Variants in GLIS2 observed in about 807,000 individuals in gnomAD.
GLIS2 encodes GLIS family zinc finger 2, also known as zinc finger protein GLIS2.
Under a neutral mutation model 35.6 loss-of-function variants are expected in GLIS2, and 14 were observed. The observed-to-expected ratio is 0.39, with a 90% CI of 0.26 to 0.61. The LOEUF is 0.61. Ranked by LOEUF, GLIS2 falls within the 20% of genes least tolerant of loss-of-function variation. The pLI is 0.48. For synonymous variants in GLIS2, 368 were observed against 325.1 expected (o/e 1.13, Z -1.42); for missense variants, 675 against 713.4 (o/e 0.95, Z 0.61).
At chr16:4,321,097 G>A (rs1030486732) in intron 1 of GLIS2, among the ~76,000 whole-genome samples, 1 of 152,246 alleles carries the variant, frequency 6.6e-6, no homozygotes, top group African/African-American at 2.4e-5. Context: ...ATGGGCTGGA[G>A]TCCTGTGTGT....
chr16:4,316,906 G>A (rs191473274), intron 1 of GLIS2, among the ~76,000 whole-genome samples: 14 of 152,318 alleles, frequency 9.2e-5, no homozygotes, highest in Admixed American at 9.1e-4. Flanking sequence ...CTCGCCGGAG[G>A]GCGGGTCTGG....
In GLIS2 at chr16:4,335,822, C is replaced by T. The variant is rs2053544813; in HGVS notation, c.775+429C>T. On this transcript the variant is annotated intron_variant, in intron 6 of 6. Transcript: ENST00000433375. The surrounding 1 kb of genome is among the most constrained non-coding windows in gnomAD (Gnocchi z 4.6). Reference sequence around the variant, plus strand: ...AATTAATTGTAATATGGTTCGTTGACCCCGGTACATCCAACGTGTTATCAA... The same window carrying T: ...AATTAATTGTAATATGGTTCGTTGATCCCGGTACATCCAACGTGTTATCAA... The T allele has an allele frequency of 4.4e-6, 1 of 229,462 alleles. No homozygotes were observed. The highest frequency in any genetic ancestry group is 8.7e-6 in the Non-Finnish European group (1 of 114,462). 14.2% of individuals were successfully genotyped at this position (229,462 alleles called of 1,614,324 possible). A position where few individuals can be genotyped will look rare whatever the true frequency, so the allele number is the denominator to read the frequency against.
chr16:4,332,472 C>A lies in GLIS2; in HGVS notation c.172+20C>A. 1 of 1,608,360 alleles carries A rather than the reference C, an allele frequency of 6.2e-7. No individual in the cohort carries two copies. The highest frequency in any genetic ancestry group is 1.1e-5 in the South Asian group (1 of 90,792). On this transcript the variant is annotated intron_variant, in intron 2 of 6. Transcript: ENST00000433375. This position sits in a 1 kb window ranked among gnomAD's most constrained non-coding sequence, Gnocchi z 5.4. ...CCTCAGGTACTGGCCCTGGGCAGGG[C>A]AGGGGGACTTAGCCCTGATCCAGTC...
chr16:4,325,794 G>A (rs2053423777), intron 1 of GLIS2, among the ~76,000 whole-genome samples: 1 of 151,790 alleles, frequency 6.6e-6, no homozygotes, highest in South Asian at 2.1e-4. Flanking sequence ...AAATGAGCTG[G>A]GTGTGGTGGT....
chr16:4,334,833 C>T lies in GLIS2; in HGVS notation c.378C>T (p.Val126=), dbSNP rs1270258640. The change falls in exon 4 of 7, where the codon GTC becomes GTT. Residue 126 remains valine (V), a synonymous_variant. Transcript: ENST00000433375. ...AGCCACTGCGCTATTTGGATGGTGT[C>T]CCCAGCTCCTTCCAGTTCTTCCTGC... ...DFQPLRYLDG[V]PSSFQFFLPL... 2 of 1,613,442 alleles carry T rather than the reference C, an allele frequency of 1.2e-6. No homozygotes were observed. Among genetic ancestry groups the T allele is most frequent in the Non-Finnish European group, 1.7e-6 (2 of 1,180,002 alleles).
intron 1 of GLIS2, among the ~76,000 whole-genome samples, chr16:4,318,638 C>T (rs2053341274): frequency 6.6e-6 from 1 of 152,172 alleles, no homozygotes; most frequent in South Asian, 2.1e-4. Flanking sequence ...CTCCCAGGGC[C>T]CCTTCTTGGG....
At position 4,323,696 on chromosome 16, in the gene GLIS2, G is replaced by A. The variant is rs375602638; in HGVS notation, c.-67+7442G>A. Among the ~76,000 whole-genome samples, 26 of 152,334 alleles carry A rather than the reference G, an allele frequency of 1.7e-4. No homozygotes were observed. In the East Asian group the frequency reaches 4.6e-3, roughly 27 times the overall value. ...GCAGGCCAGGGAAGCCCTCCGGCCC[G>A]TCTTCCAGCTTCAGCTCTGCCTGAA... On this transcript the variant is annotated intron_variant, in intron 1 of 6. Coordinates refer to ENST00000433375, the MANE Select transcript of GLIS2 (RefSeq NM_032575.3).
chr16:4,326,336 G>C (rs1425774777), intron 1 of GLIS2: 1 of 152,222 alleles, frequency 6.6e-6, no homozygotes, highest in Non-Finnish European at 1.5e-5. Flanking sequence ...CAGCTAAATG[G>C]CCACTGCTGA....
rs767819594 is a variant in GLIS2 at position 4,337,275 on chromosome 16, C to T, written c.1326C>T (p.Ala442=). 166 of 1,550,222 alleles carry T rather than the reference C, an allele frequency of 1.1e-4. No homozygotes were observed. The highest frequency in any genetic ancestry group is 1.5e-4 in the East Asian group (6 of 41,084). ...TTGCTGGCGCAGCTGGTGGCAAGGCCGAGGGGGAGAAGGGGCGTGGGTCGG... is the reference window on the plus strand; with the variant it reads ...TTGCTGGCGCAGCTGGTGGCAAGGCTGAGGGGGAGAAGGGGCGTGGGTCGG... ...SLLAGAAGGK[A]EGEKGRGSVP... Residue 442 remains alanine (A), a synonymous_variant, in exon 7 of 7, where the codon GCC becomes GCT. Transcript: ENST00000433375.
At chr16:4,331,548 T>C (rs951030172) in intron 1 of GLIS2, 1 of 153,330 alleles carries the variant, frequency 6.5e-6, no homozygotes, top group Non-Finnish European at 1.5e-5. Flanking sequence ...TGTCTTTAAT[T>C]CCTCTAGCGC....
intron 6 of GLIS2, 162 bp from the exon 7 acceptor site, chr16:4,336,563 G>T (rs563413885): frequency 3.7e-5 from 28 of 748,792 alleles, no homozygotes; most frequent in Admixed American, 3.6e-4. Context: ...CCCTGCCTGG[G>T]GGCAGATCTC....
At chr16:4,316,332 C>A (rs1338082409) in intron 1 of GLIS2, among the ~76,000 whole-genome samples, 78 bp downstream of exon 1, 2 of 137,582 alleles carry the variant, frequency 1.5e-5, no homozygotes, top group Admixed American at 1.4e-4. Flanking sequence ...CGCGCCGGGG[C>A]TGCGGGGCCC....
chr16:4,315,671 G>A (rs1462458053), upstream of GLIS2, among the ~76,000 whole-genome samples: 2 of 151,200 alleles, frequency 1.3e-5, no homozygotes, highest in South Asian at 2.1e-4. Flanking sequence ...GGCCGCGGGG[G>A]GGGGGTGGCG....
At chr16:4,324,951 G>A (rs1338614892) in intron 1 of GLIS2, among the ~76,000 whole-genome samples, 1 of 152,164 alleles carries the variant, frequency 6.6e-6, no homozygotes, top group African/African-American at 2.4e-5. Context: ...CCTGCCTGGG[G>A]CCCCCAGCAG....
intron 1 of GLIS2, among the ~76,000 whole-genome samples, chr16:4,325,105 C>G (rs1210527433): frequency 6.6e-6 from 1 of 152,192 alleles, no homozygotes; most frequent in Non-Finnish European, 1.5e-5. Flanking sequence ...CTCGGCTCTC[C>G]AAGCCTCCTG....
rs1248279159 is a variant in GLIS2, at chr16:4,338,078, C to T, written c.*554C>T. 1 of 176,404 alleles carries T rather than the reference C, an allele frequency of 5.7e-6. No homozygotes were observed. The highest frequency in any genetic ancestry group is 2.4e-5 in the African/African-American group (1 of 41,846). 10.9% of individuals were successfully genotyped at this position (176,404 alleles called of 1,614,324 possible). A position where few individuals can be genotyped will look rare whatever the true frequency, so the allele number is the denominator to read the frequency against. ...GGGAAAGCAAGACAGATGCAGGCCC[C>T]TGCAAAGCCCCAGGTAGAAGCATGC... On this transcript the variant is annotated 3_prime_UTR_variant, in exon 7 of 7. Transcript: ENST00000433375.
chr16:4,332,501 G>A lies in GLIS2; in HGVS notation c.172+49G>A, dbSNP rs777355539. 5 of 1,592,526 alleles carry A rather than the reference G, an allele frequency of 3.1e-6. No individual in the cohort carries two copies. Among genetic ancestry groups the A allele is most frequent in the Non-Finnish European group, 4.3e-6 (5 of 1,172,614 alleles). On this transcript the variant is annotated intron_variant, in intron 2 of 6. Coordinates refer to ENST00000433375, the MANE Select transcript of GLIS2 (RefSeq NM_032575.3). The surrounding 1 kb of genome is among the most constrained non-coding windows in gnomAD (Gnocchi z 5.4). ...GGGACTTAGCCCTGATCCAGTCATGGTGACAGGGAGAATGGCCAAGTGTGT... is the reference window on the plus strand; with the variant it reads ...GGGACTTAGCCCTGATCCAGTCATGATGACAGGGAGAATGGCCAAGTGTGT...
At chr16:4,329,765 G>GTAAAGACCCTGC (rs1373800094) in intron 1 of GLIS2, among the ~76,000 whole-genome samples, 2 of 152,218 alleles carry the variant, frequency 1.3e-5, no homozygotes, top group African/African-American at 4.8e-5. Context: ...TTGGTATTGA[G>GTAAAGACCCTGC]TAAAGACCCC....
At chr16:4,319,940 G>A (rs577351398) in intron 1 of GLIS2, among the ~76,000 whole-genome samples, 1 of 152,014 alleles carries the variant, frequency 6.6e-6, no homozygotes, top group East Asian at 1.9e-4. Flanking sequence ...GGCCTGGGGG[G>A]CATGGAGATG....
Sources: gnomAD v4.1 joint callset for allele counts (sites outside exome capture counted in the v4.1 genomes callset) on GRCh38, gnomAD v4.1.1 for gene constraint, Gnocchi (gnomAD v3.1) non-coding constraint, MANE v1.5 for transcripts, NCBI Gene and HGNC (gene_info 2026-07-23, HGNC 2026-07-21) for gene names.